NAALADL2: variants seen among roughly 807,000 people sequenced by gnomAD.
NAALADL2 encodes the protein N-acetylated alpha-linked acidic dipeptidase like 2, also known as inactive N-acetylated-alpha-linked acidic dipeptidase-like protein 2.
In NAALADL2, 76 loss-of-function variants were observed where a neutral mutation model predicts 87.2. The observed-to-expected ratio is 0.87, with a 90% CI of 0.72 to 1.05. The LOEUF (loss-of-function observed/expected upper bound fraction) is 1.05, where lower values mean the gene tolerates loss of function less well. NAALADL2 is among the 50% of genes least tolerant of loss of function. NAALADL2 has a pLI of 0.00. For missense variants in NAALADL2, 1,089 were observed against 945.8 expected, an observed-to-expected ratio of 1.15 and a Z score of -1.99; for synonymous variants, 354 against 331.0, an observed-to-expected ratio of 1.07 and a Z score of -0.75.
At chr3:174,955,894 G>A (rs1035521491) in intron 1 of NAALADL2, among the ~76,000 whole-genome samples, 8 of 152,042 alleles carry the variant, frequency 5.3e-5, no homozygotes, top group African/African-American at 1.9e-4. Context: ...TAGTGATACT[G>A]TTTAAGAAAC....
At chr3:175,442,101 T>C (rs1719874915) in intron 5 of NAALADL2, among the ~76,000 whole-genome samples, 1 of 151,982 alleles carries the variant, frequency 6.6e-6, no homozygotes, top group Non-Finnish European at 1.5e-5. Context: ...CATGCCACCA[T>C]GCCCAGCTAA....
At chr3:175,466,282 C>T (rs537702125) in intron 7 of NAALADL2, among the ~76,000 whole-genome samples, 1 of 152,266 alleles carries the variant, frequency 6.6e-6, no homozygotes, top group East Asian at 1.9e-4. Flanking sequence ...AGAGGAAACT[C>T]TCTGGGGGCA....
At chr3:174,897,526 G>T (rs1003161505) in intron 1 of NAALADL2, among the ~76,000 whole-genome samples, 1 of 152,130 alleles carries the variant, frequency 6.6e-6, no homozygotes, top group Non-Finnish European at 1.5e-5. Flanking sequence ...ACAAATGCTG[G>T]CAAGGATGTG....
rs575197116 is a variant in NAALADL2, at chr3:175,211,912, T to C, written c.546-22019T>C. ...TCCCATTTTGTAATAGCAGACATAC[T>C]GATGCTAAGGAAAAAATTCACTCAC... is the stretch of plus-strand genomic sequence containing the variant. On this transcript the variant is annotated intron_variant, in intron 2 of 13. Coordinates refer to ENST00000454872, the MANE Select transcript of NAALADL2 (RefSeq NM_207015.3). Among the ~76,000 whole-genome samples, 51 of 152,190 alleles carry C rather than the reference T, an allele frequency of 3.4e-4. 1 individual carries two copies. Among genetic ancestry groups the C allele is most frequent in the African/African-American group, 1.2e-3 (48 of 41,570 alleles).
intron 9 of NAALADL2, among the ~76,000 whole-genome samples, chr3:175,507,083 C>G (rs1730435766): frequency 6.7e-6 from 1 of 150,038 alleles, no homozygotes; most frequent in Non-Finnish European, 1.5e-5. Context: ...TATAAATGGA[C>G]AATATTTTTT....
intron 2 of NAALADL2, among the ~76,000 whole-genome samples, chr3:174,660,793 T>C (rs1316619571): frequency 1.3e-5 from 2 of 152,278 alleles, no homozygotes; most frequent in South Asian, 4.1e-4. Context: ...AGTACCTTCA[T>C]TTTTGGAGGA....
chr3:174,785,826 AT>A (rs1716573528), intron 3 of NAALADL2, among the ~76,000 whole-genome samples: 2 of 152,248 alleles, frequency 1.3e-5, no homozygotes, highest in Admixed American at 1.3e-4. Flanking sequence ...TTCACAGTGA[AT>A]TTTGGCTCCA....
At chr3:175,191,452 G>A (rs899469656) in intron 2 of NAALADL2, among the ~76,000 whole-genome samples, 3 of 152,108 alleles carry the variant, frequency 2.0e-5, no homozygotes, top group Non-Finnish European at 4.4e-5. Context: ...TCAAGGAAAT[G>A]TTCTAATTTT....
rs1737996795 is a variant in NAALADL2, at chr3:175,697,517, C to T, written c.1897-39789C>T. On this transcript the variant is annotated intron_variant, in intron 11 of 13. Transcript: ENST00000454872. The stretch of plus-strand genomic sequence containing the variant: ...GAGTTATGGGATAACTCTGACAAAA[C>T]CCTACTTATGAGGGTGTATTGTTAC... Among the ~76,000 whole-genome samples the T allele has an allele frequency of 4.0e-5, 6 of 151,024 alleles. No individual in the cohort carries two copies. The South Asian group carries it at 1.3e-3, about 32-fold the overall frequency.
intron 1 of NAALADL2, among the ~76,000 whole-genome samples, chr3:175,062,394 C>T (rs940809436): frequency 2.6e-5 from 4 of 151,096 alleles, no homozygotes; most frequent in African/African-American, 4.9e-5. Context: ...TAAATTTGAA[C>T]TTGGGCTTGT....
At chr3:174,699,837 C>CTT (rs35197419) in intron 2 of NAALADL2, among the ~76,000 whole-genome samples, 9,510 of 124,896 alleles carry the variant, frequency 0.076, 485 homozygotes, top group African/African-American at 0.13. Flanking sequence ...TTTTAAGATG[C>CTT]TTTTTTTTTT....
chr3:175,568,882 G>T (rs1717622545), intron 9 of NAALADL2, among the ~76,000 whole-genome samples: 1 of 152,166 alleles, frequency 6.6e-6, no homozygotes, highest in East Asian at 1.9e-4. Context: ...TTAGCAATAA[G>T]TTCAAGTGAT....
intron 2 of NAALADL2, among the ~76,000 whole-genome samples, chr3:175,137,095 A>G (rs1355312878): frequency 6.6e-6 from 1 of 152,146 alleles, no homozygotes; most frequent in African/African-American, 2.4e-5. Context: ...GTATTATAAA[A>G]TTTTGTAGTC....
chr3:175,112,585 A>C (rs1380843527), intron 2 of NAALADL2: 1 of 151,658 alleles, frequency 6.6e-6, no homozygotes, highest in Non-Finnish European at 1.5e-5. Context: ...ATTCTTCTTG[A>C]TTCATACTAT....
chr3:175,385,722 A>G (rs1401035604), intron 5 of NAALADL2, among the ~76,000 whole-genome samples: 1 of 152,124 alleles, frequency 6.6e-6, no homozygotes, highest in African/African-American at 2.4e-5. Flanking sequence ...AAATTATCAC[A>G]TCTACCTCAA....
At chr3:175,449,165 A>G (rs2048806423) in intron 6 of NAALADL2, among the ~76,000 whole-genome samples, 1 of 152,068 alleles carries the variant, frequency 6.6e-6, no homozygotes, top group Non-Finnish European at 1.5e-5. Context: ...TGCAGCCTCA[A>G]ACCCCTGGGC....
At chr3:175,467,617 A>G (rs1277790346) in intron 8 of NAALADL2, among the ~76,000 whole-genome samples, 1 of 152,158 alleles carries the variant, frequency 6.6e-6, no homozygotes, top group African/African-American at 2.4e-5. Flanking sequence ...TCTCTTCAAT[A>G]TGGATATTGA....
intron 3 of NAALADL2, among the ~76,000 whole-genome samples, chr3:175,250,253 CTGTGTGTGTG>C (rs147841608): frequency 1.1e-3 from 165 of 146,180 alleles, no homozygotes; most frequent in Middle Eastern, 3.5e-3. Flanking sequence ...CTCACTTTTT[CTGTGTGTGTG>C]TGTGTGTGTG....
intron 3 of NAALADL2, among the ~76,000 whole-genome samples, chr3:174,796,269 A>ACGGG (rs1222332286): frequency 6.6e-5 from 10 of 152,330 alleles, no homozygotes; most frequent in African/African-American, 2.4e-4. Context: ...CAATTTTGTT[A>ACGGG]TATGAGTATA....
Sources: gnomAD v4.1 joint callset for allele counts (sites outside exome capture counted in the v4.1 genomes callset) on GRCh38, gnomAD v4.1.1 for gene constraint, MANE v1.5 for transcripts, NCBI Gene and HGNC (gene_info 2026-07-23, HGNC 2026-07-21) for gene names.